Variants in GSDMC observed in about 807,000 individuals in gnomAD.
GSDMC encodes the protein gasdermin C.
In GSDMC, 59 loss-of-function variants were observed where a neutral mutation model predicts 58.0. The observed-to-expected ratio is 1.02, with a 90% CI of 0.82 to 1.26. The LOEUF is 1.26. GSDMC is among the 50% of genes most tolerant of loss of function. The probability of loss-of-function intolerance (pLI) is 0.00; values close to 1 mark genes in which losing one functional copy is unlikely to be tolerated. For synonymous variants in GSDMC, 241 were observed against 220.2 expected (o/e 1.09, Z -0.83); for missense variants, 659 against 598.5 (o/e 1.10, Z -1.06).
At chr8:129,751,438 G>A in intron 10 of GSDMC, 104 bp downstream of exon 10, 1 of 855,970 alleles carries the variant, frequency 1.2e-6, no homozygotes, top group Non-Finnish European at 1.9e-6. Context: ...TGCAAATTTG[G>A]AAGTGGACCT....
rs186337428 is a variant in GSDMC at position 129,761,316 on chromosome 8, C to G, written c.677-727G>C. Among the ~76,000 whole-genome samples, 380 of 152,274 alleles carry G rather than the reference C, an allele frequency of 2.5e-3. 2 individuals carry two copies. Among genetic ancestry groups the G allele is most frequent in the African/African-American group, 8.8e-3 (367 of 41,556 alleles). Reference sequence around the variant, plus strand: ...CAAGTCTTCACCATCTCATAAACCCCCTTCCCAAAGCTAAGTGTCCTCCTT... The same window carrying G: ...CAAGTCTTCACCATCTCATAAACCCGCTTCCCAAAGCTAAGTGTCCTCCTT... On this transcript the variant is annotated intron_variant, in intron 5 of 13. Coordinates refer to ENST00000276708, the MANE Select transcript of GSDMC (RefSeq NM_031415.3).
chr8:129,711,732 C>G, the GSDMC span, among the ~76,000 whole-genome samples: 1 of 152,200 alleles, frequency 6.6e-6, no homozygotes, highest in African/African-American at 2.4e-5. Flanking sequence ...CATCTCTAGG[C>G]CACTAGGCAC....
At chr8:129,727,880 C>T in the GSDMC span, among the ~76,000 whole-genome samples, 1 of 152,158 alleles carries the variant, frequency 6.6e-6, no homozygotes, top group African/African-American at 2.4e-5. Flanking sequence ...GCTACAGCTG[C>T]AGTTTTATGT....
the GSDMC span, among the ~76,000 whole-genome samples, chr8:129,727,427 T>C: frequency 6.6e-6 from 1 of 152,084 alleles, no homozygotes; most frequent in Admixed American, 6.5e-5. Context: ...ACAGCCCCCA[T>C]GACAGTGTAT....
At chr8:129,782,645 C>T (rs1453686710) in intron 1 of GSDMC, among the ~76,000 whole-genome samples, 1 of 151,896 alleles carries the variant, frequency 6.6e-6, no homozygotes, top group South Asian at 2.1e-4. Context: ...TACAACCTAC[C>T]AAGATTGAAC....
chr8:129,751,620 T>A, intron 9 of GSDMC, 52 bp from the exon 10 acceptor site: 2 of 1,560,114 alleles, frequency 1.3e-6, no homozygotes, highest in Admixed American at 3.4e-5. Context: ...CCAAATTTGC[T>A]TTTCAGATGT....
the GSDMC span, among the ~76,000 whole-genome samples, chr8:129,709,462 T>C: frequency 1.3e-5 from 2 of 148,494 alleles, no homozygotes; most frequent in African/African-American, 5.2e-5. Context: ...AAATAGATGA[T>C]AGATGATAGA....
chr8:129,751,591 A>G (rs767017791), intron 9 of GSDMC, 23 bp from the exon 10 acceptor site: 2 of 1,609,818 alleles, frequency 1.2e-6, no homozygotes, highest in East Asian at 2.2e-5. Context: ...TCAAGTCATC[A>G]TCTCACTTCC....
At chr8:129,746,102 G>A (rs915549973), downstream of GSDMC, among the ~76,000 whole-genome samples, 2 of 152,254 alleles carry the variant, frequency 1.3e-5, 1 homozygote, top group South Asian at 4.2e-4. Context: ...GGAAGTGACA[G>A]AGATTCCATA....
chr8:129,733,049 T>A, the GSDMC span, among the ~76,000 whole-genome samples: 2 of 152,244 alleles, frequency 1.3e-5, no homozygotes, highest in African/African-American at 2.4e-5. Flanking sequence ...CACGGAGCCT[T>A]GCTCACTGCT....
chr8:129,715,431 GA>G, the GSDMC span, among the ~76,000 whole-genome samples: 24 of 150,766 alleles, frequency 1.6e-4, no homozygotes, highest in South Asian at 2.1e-4. Context: ...ATAGGAGACA[GA>G]AAAAAAAATA....
At chr8:129,709,654 A>G in the GSDMC span, among the ~76,000 whole-genome samples, 2 of 152,166 alleles carry the variant, frequency 1.3e-5, no homozygotes, top group Non-Finnish European at 2.9e-5. Flanking sequence ...ATAGATAGCT[A>G]TGTATCTCCA....
At chr8:129,782,859 T>A (rs973206716) in intron 1 of GSDMC, among the ~76,000 whole-genome samples, 1 of 151,714 alleles carries the variant, frequency 6.6e-6, no homozygotes, top group Non-Finnish European at 1.5e-5. Context: ...ACTCATTCTA[T>A]GAGGCCAATA....
At chr8:129,708,889 C>T in the GSDMC span, among the ~76,000 whole-genome samples, 1 of 152,268 alleles carries the variant, frequency 6.6e-6, no homozygotes, top group Non-Finnish European at 1.5e-5. Flanking sequence ...TGGCCCATGC[C>T]ACCTACTGGC....
chr8:129,706,478 G>C, the GSDMC span: 1 of 152,170 alleles, frequency 6.6e-6, no homozygotes, highest in Non-Finnish European at 1.5e-5. Flanking sequence ...TCGCCGAGCA[G>C]CACCAGTTTG....
the GSDMC span, among the ~76,000 whole-genome samples, chr8:129,736,229 T>A: frequency 6.6e-6 from 1 of 152,222 alleles, no homozygotes; most frequent in Admixed American, 6.5e-5. Flanking sequence ...GAGGAGCTGG[T>A]ACCATTCCTT....
Position 129,751,693 on chromosome 8 carries a change from C to T in GSDMC, c.917-125G>A, listed in dbSNP as rs551844234. The T allele has an allele frequency of 6.0e-4, 653 of 1,092,200 alleles. 4 individuals are homozygous for T. The East Asian group carries it at 0.011, about 18-fold the overall frequency. 67.7% of individuals were successfully genotyped at this position (1,092,200 alleles called of 1,614,324 possible). ...TACTCAACTTCTTCCTGCCCCCATT[C>T]CCATTCATCCTCCATGTTCTCAGCT... On this transcript the variant is annotated intron_variant, in intron 9 of 13. Coordinates refer to ENST00000276708, the MANE Select transcript of GSDMC (RefSeq NM_031415.3).
downstream of GSDMC, among the ~76,000 whole-genome samples, chr8:129,746,363 G>A (rs2032961425): frequency 6.6e-6 from 1 of 152,098 alleles, no homozygotes; most frequent in African/African-American, 2.4e-5. Context: ...GTTGAGAGTT[G>A]AGTTATAGAC....
rs2033830007 is a variant in GSDMC at position 129,765,660 on chromosome 8, C to T, written c.538G>A (p.Gly180Arg). Residue 180 changes from glycine (G) to arginine (R), a missense_variant, in exon 4 of 14, where the codon GGG (glycine) becomes AGG (arginine). Coordinates refer to ENST00000276708, the MANE Select transcript of GSDMC (RefSeq NM_031415.3). ...TAGGTAATCCAAAGAGCAATTTTCC[C>T]TAAAATATTCACACTACTGCTATCG... ...LYDSSSVNIL[G>R]KIALWITYGK... 6.2e-7 allele frequency: 1 copy of T among 1,613,686 alleles called. No homozygotes were observed. The highest frequency in any genetic ancestry group is 1.1e-5 in the South Asian group (1 of 91,062).
Sources: gnomAD v4.1 joint callset for allele counts (sites outside exome capture counted in the v4.1 genomes callset) on GRCh38, gnomAD v4.1.1 for gene constraint, MANE v1.5 for transcripts, NCBI Gene and HGNC (gene_info 2026-07-23, HGNC 2026-07-21) for gene names.